Variants in ZZEF1 observed in about 807,000 individuals in gnomAD.
ZZEF1 encodes zinc finger ZZ-type and EF-hand domain containing 1, also known as zinc finger ZZ-type and EF-hand domain-containing protein 1.
ZZEF1 carries 157 observed loss-of-function variants against 342.8 expected under a neutral mutation model. The observed-to-expected ratio is 0.46, with a 90% CI of 0.40 to 0.52. The LOEUF (loss-of-function observed/expected upper bound fraction) is 0.52, where lower values mean the gene tolerates loss of function less well. Ranked by LOEUF, ZZEF1 falls within the 20% of genes least tolerant of loss-of-function variation. The probability of loss-of-function intolerance (pLI) is 0.00; values close to 1 mark genes in which losing one functional copy is unlikely to be tolerated. For missense variants in ZZEF1, 3,480 were observed against 3,725.6 expected (o/e 0.93, Z 1.72); for synonymous variants, 1,505 against 1,429.1 (o/e 1.05, Z -1.20).
At chr17:4,007,823 A>T (rs528680703) in intron 54 of ZZEF1, among the ~76,000 whole-genome samples, 13 of 152,084 alleles carry the variant, frequency 8.5e-5, no homozygotes, top group African/African-American at 2.9e-4. Context: ...TTTTCCTGCA[A>T]AAGGGCGGTG....
chr17:4,118,519 A>T (rs888884806), intron 2 of ZZEF1, among the ~76,000 whole-genome samples: 14 of 152,176 alleles, frequency 9.2e-5, no homozygotes, highest in African/African-American at 3.4e-4. Context: ...CTGCTGAGTC[A>T]TATGACCCAA....
chr17:4,107,792 C>T lies in ZZEF1; in HGVS notation c.1277+1861G>A, dbSNP rs976637290. ...GGGCATGGTGGCTCATGCCTGTAAT[C>T]TCTGCACTTTGGGAGACCGAGGTGG... On this transcript the variant is annotated intron_variant, in intron 6 of 54. Transcript: ENST00000381638. Among the ~76,000 whole-genome samples, 3 of 152,322 alleles carry T rather than the reference C, an allele frequency of 2.0e-5. No homozygotes were observed. The South Asian group carries it at 6.2e-4, about 32-fold the overall frequency.
rs560532598 is a variant in ZZEF1 at position 4,088,747 on chromosome 17, C to T, written c.2172G>A (p.Glu724=). ...GCAACGTGGCCCCACAGACACTCTCCTCTGTGTCCTTTCTGCAGTGTGCAC... is the reference window on the plus strand; with the variant it reads ...GCAACGTGGCCCCACAGACACTCTCTTCTGTGTCCTTTCTGCAGTGTGCAC... ...VTCAHCRKDT[E]ESVCGATLLL... The change falls in exon 13 of 55, where the codon GAG becomes GAA. Residue 724 remains glutamate, a synonymous_variant. Coordinates refer to ENST00000381638, the MANE Select transcript of ZZEF1 (RefSeq NM_015113.4). The T allele has an allele frequency of 1.2e-6, 2 of 1,614,224 alleles. No individual in the cohort carries two copies. The highest frequency in any genetic ancestry group is 1.7e-5 in the Admixed American group (1 of 60,034).
At chr17:4,067,330 A>G (rs549045052) in intron 26 of ZZEF1, 88 bp from the exon 27 acceptor site, 1 of 1,060,010 alleles carries the variant, frequency 9.4e-7, no homozygotes, top group African/African-American at 1.6e-5. Flanking sequence ...AATCTGCTGA[A>G]GTACAGGAAA....
chr17:4,138,547 A>C (rs771722186), intron 1 of ZZEF1, among the ~76,000 whole-genome samples: 1 of 152,230 alleles, frequency 6.6e-6, no homozygotes, highest in Non-Finnish European at 1.5e-5. Context: ...GCACCTGGGC[A>C]CTGGCAACCA....
At chr17:4,082,056 C>T (rs986493666) in intron 17 of ZZEF1, among the ~76,000 whole-genome samples, 1 of 152,184 alleles carries the variant, frequency 6.6e-6, no homozygotes, top group Non-Finnish European at 1.5e-5. Context: ...GCAAAAATCT[C>T]GAAGACCTCC....
intron 33 of ZZEF1, among the ~76,000 whole-genome samples, chr17:4,055,807 C>T (rs1245024831): frequency 6.6e-6 from 1 of 152,188 alleles, no homozygotes; most frequent in Non-Finnish European, 1.5e-5. Flanking sequence ...GGCAGCAGTC[C>T]CCCTTTTTGG....
chr17:4,014,042 G>A lies in ZZEF1; in HGVS notation c.8413+48C>T. The stretch of plus-strand genomic sequence containing the variant: ...ACATCATGGCACCCACAGCCATGGA[G>A]TGTCCCTGGCAGGCAGATGGTGTGA... On this transcript the variant is annotated intron_variant, in intron 51 of 54. Transcript: ENST00000381638. The surrounding 1 kb of genome is among the most constrained non-coding windows in gnomAD (Gnocchi z 4.4). 1 of 1,515,908 alleles carries A rather than the reference G, an allele frequency of 6.6e-7. No homozygotes were observed. The highest frequency in any genetic ancestry group is 9.2e-7 in the Non-Finnish European group (1 of 1,091,536). The allele number at this position is 1,515,908 out of a possible 1,614,324, so 93.9% of individuals were successfully genotyped here.
intron 34 of ZZEF1, among the ~76,000 whole-genome samples, chr17:4,053,464 C>T (rs2057092331): frequency 6.6e-6 from 1 of 152,242 alleles, no homozygotes; most frequent in African/African-American, 2.4e-5. Context: ...TGCAGCAATG[C>T]TGCTACTGCT....
chr17:4,019,670 T>C lies in ZZEF1; in HGVS notation c.7504A>G (p.Arg2502Gly). The C allele has an allele frequency of 6.2e-7, 1 of 1,612,092 alleles. No individual in the cohort carries two copies. The highest frequency in any genetic ancestry group is 8.5e-7 in the Non-Finnish European group (1 of 1,179,316). ...CAGCTGCACGGAAATGTCCCTTACC[T>C]CTTCTGAACCTCCAGGAAGAAATAA... ...TDYFFLEVQK[R>G]FDGDELTTDE... The change falls in exon 46 of 55, where the codon AGG (arginine) becomes GGG (glycine). Residue 2502 changes from arginine (R) to glycine (G), a missense_variant and splice_region_variant. Physicochemically the swap from Arg to Gly is moderately radical, Grantham distance 125. This residue lies in a region of ZZEF1 where 1,269 missense variants were observed against 1,342.4 expected (regional missense o/e 0.95). Transcript: ENST00000381638.
intron 16 of ZZEF1, among the ~76,000 whole-genome samples, 157 bp downstream of exon 16, chr17:4,085,513 C>T (rs988376857): frequency 6.6e-6 from 1 of 152,142 alleles, no homozygotes; most frequent in African/African-American, 2.4e-5. Context: ...AGTGGAGTGC[C>T]ATGTCCTTAG....
intron 15 of ZZEF1, 79 bp downstream of exon 15, chr17:4,086,407 A>G (rs2057825787): frequency 6.8e-7 from 1 of 1,471,366 alleles, no homozygotes; most frequent in Non-Finnish European, 9.3e-7. Flanking sequence ...TCATCGTAGG[A>G]CAGCCCTCTT....
chr17:4,117,876 GATA>G (rs1292434488), intron 2 of ZZEF1, among the ~76,000 whole-genome samples: 2 of 152,134 alleles, frequency 1.3e-5, no homozygotes, highest in African/African-American at 2.4e-5. Flanking sequence ...CTAAGACAAT[GATA>G]ATGACAATAC....
rs759053224 is a variant in ZZEF1, at chr17:4,025,136, G to A, written c.6893-18C>T. ...GTCCTTCACTGAAGGGTGACATCAGGCAGAAAAAGAAAGGCACAAAAGTAC... is the reference window on the plus strand; with the variant it reads ...GTCCTTCACTGAAGGGTGACATCAGACAGAAAAAGAAAGGCACAAAAGTAC... On this transcript the variant is annotated intron_variant, in intron 42 of 54. Transcript: ENST00000381638. 6 of 1,612,640 alleles carry A rather than the reference G, an allele frequency of 3.7e-6. No homozygotes were observed. Among genetic ancestry groups the A allele is most frequent in the Non-Finnish European group, 5.1e-6 (6 of 1,179,298 alleles).
chr17:4,075,183 G>A lies in ZZEF1; in HGVS notation c.3402-5C>T. The A allele has an allele frequency of 6.2e-7, 1 of 1,614,204 alleles. No individual in the cohort carries two copies. The highest frequency in any genetic ancestry group is 1.1e-5 in the South Asian group (1 of 91,088). ...GTAAATTCCAGATAATCATACCTGT[G>A]AAGGCATAACCTCTATTAGCTTCCT... On this transcript the variant is annotated splice_region_variant and splice_polypyrimidine_tract_variant and intron_variant, in intron 22 of 54. Coordinates refer to ENST00000381638, the MANE Select transcript of ZZEF1 (RefSeq NM_015113.4).
intron 17 of ZZEF1, among the ~76,000 whole-genome samples, 189 bp downstream of exon 17, chr17:4,082,248 T>C (rs552263344): frequency 6.6e-6 from 1 of 152,300 alleles, no homozygotes; most frequent in Admixed American, 6.5e-5. Flanking sequence ...TTAAAATGGA[T>C]GGGAACTGGA....
intron 15 of ZZEF1, among the ~76,000 whole-genome samples, 145 bp downstream of exon 15, chr17:4,086,320 TCCCTTTCTGGGGGATTCCCAC>T (rs2057822100): frequency 7.3e-6 from 1 of 136,260 alleles, no homozygotes; most frequent in Non-Finnish European, 1.5e-5. Flanking sequence ...ACAGCGGCAA[TCCCTTTCTGGGGGATTCCCAC>T]AGCGGCAATC....
intron 28 of ZZEF1, 31 bp downstream of exon 28, chr17:4,066,416 C>G (rs758311262): frequency 6.2e-7 from 1 of 1,607,346 alleles, no homozygotes; most frequent in East Asian, 2.2e-5. Flanking sequence ...ACAGAAGGCT[C>G]AGGGACAACA....
intron 42 of ZZEF1, among the ~76,000 whole-genome samples, chr17:4,029,989 A>C (rs781254303): frequency 8.6e-5 from 13 of 151,292 alleles, no homozygotes; most frequent in Non-Finnish European, 1.9e-4. Flanking sequence ...TGAGCCCAGC[A>C]GTTTGAGATC....
Sources: gnomAD v4.1 joint callset for allele counts (sites outside exome capture counted in the v4.1 genomes callset) on GRCh38, gnomAD v4.1.1 for gene constraint, gnomAD v4.1.1 regional missense constraint, Gnocchi (gnomAD v3.1) non-coding constraint, MANE v1.5 for transcripts, NCBI Gene and HGNC (gene_info 2026-07-23, HGNC 2026-07-21) for gene names.